The following HFM1 variants were observed in gnomAD, a reference collection of about 807,000 sequenced individuals.
The protein encoded by HFM1 is probable ATP-dependent DNA helicase HFM1.
In HFM1, 169 loss-of-function variants were observed where a neutral mutation model predicts 192.1. That is an observed-to-expected ratio of 0.88 (90% confidence interval 0.78 to 1.00). The LOEUF (loss-of-function observed/expected upper bound fraction) is 1.00, where lower values mean the gene tolerates loss of function less well. Among genes scored for constraint, HFM1 ranks in the 50% least tolerant of loss-of-function variants. The pLI is 0.00. For missense variants in HFM1, 1,661 were observed against 1,668.0 expected (o/e 1.00, Z 0.07); for synonymous variants, 525 against 537.8 (o/e 0.98, Z 0.33).
At chr1:91,307,339 C>T (rs1035371324) in intron 30 of HFM1, among the ~76,000 whole-genome samples, 29 of 152,158 alleles carry the variant, frequency 1.9e-4, no homozygotes, top group African/African-American at 7.0e-4. Context: ...TTTACATAGT[C>T]TACTTATATT....
chr1:91,396,521 T>C (rs1162628555), intron 2 of HFM1, 116 bp from the exon 3 acceptor site: 7 of 569,934 alleles, frequency 1.2e-5, no homozygotes, highest in Non-Finnish European at 2.2e-5. Flanking sequence ...ATTAACTTTC[T>C]GTCAGCACTT....
chr1:91,375,716 C>A lies in HFM1; in HGVS notation c.1407G>T (p.Trp469Cys). Reference protein sequence around the residue: ...TIPNAEDIAEWLSDGERPAVC... With the variant: ...TIPNAEDIAECLSDGERPAVC... The stretch of plus-strand genomic sequence containing the variant: ...CAGCTGGTCTTTCACCATCTGAAAG[C>A]CATTCTGCAATCTTTGAAACACAAA... Residue 469 changes from tryptophan to cysteine, a missense_variant, in exon 12 of 39, where the codon TGG becomes TGT. Physicochemically the swap from Trp to Cys is radical, Grantham distance 215 (BLOSUM62 -2). Transcript: ENST00000370425. 1 of 1,612,742 alleles carries A rather than the reference C, an allele frequency of 6.2e-7. No individual in the cohort carries two copies. The highest frequency in any genetic ancestry group is 8.5e-7 in the Non-Finnish European group (1 of 1,179,156).
chr1:91,393,082 C>G (rs1663213442), intron 4 of HFM1, among the ~76,000 whole-genome samples: 1 of 152,024 alleles, frequency 6.6e-6, no homozygotes, highest in African/African-American at 2.4e-5. Flanking sequence ...TAAAATAATT[C>G]TACACTTTAA....
At chr1:91,283,838 ATC>A (rs1157398947) in intron 30 of HFM1, among the ~76,000 whole-genome samples, 4 of 152,166 alleles carry the variant, frequency 2.6e-5, no homozygotes, top group African/African-American at 7.2e-5. Flanking sequence ...AATAGCAAGA[ATC>A]TCTGTCACAC....
At position 91,267,739 on chromosome 1, in the gene HFM1, T is replaced by G. The variant is rs772005131; in HGVS notation, c.3883+6A>C. 8.0e-7 allele frequency: 1 copy of G among 1,256,570 alleles called. No individual in the cohort carries two copies. 77.8% of individuals were successfully genotyped at this position (1,256,570 alleles called of 1,614,324 possible). On this transcript the variant is annotated splice_donor_region_variant and intron_variant, in intron 35 of 38. Coordinates refer to ENST00000370425, the MANE Select transcript of HFM1 (RefSeq NM_001017975.6). ...TGAAATGATTGCATGCTAAGTATGA[T>G]TTTACCTGATATTTTTGTCTTCTCA...
chr1:91,261,898 C>G (rs1412690103), intron 38 of HFM1, among the ~76,000 whole-genome samples: 1 of 152,174 alleles, frequency 6.6e-6, no homozygotes, highest in African/African-American at 2.4e-5. Flanking sequence ...TAAAATACAA[C>G]TTCAACTTTT....
At chr1:91,296,143 T>C (rs1557801613) in intron 30 of HFM1, among the ~76,000 whole-genome samples, 1 of 152,074 alleles carries the variant, frequency 6.6e-6, no homozygotes, top group Non-Finnish European at 1.5e-5. Flanking sequence ...ATGGACTCAA[T>C]CTCCTGACCT....
intron 13 of HFM1, among the ~76,000 whole-genome samples, chr1:91,372,447 TGAACCTG>T (rs1186134820): frequency 6.6e-6 from 1 of 152,162 alleles, no homozygotes; most frequent in East Asian, 1.9e-4. Flanking sequence ...GGGACATGGA[TGAACCTG>T]GAAACTATCA....
At position 91,277,043 on chromosome 1, in the gene HFM1, T is replaced by C. The variant is rs1183505691; in HGVS notation, c.3411A>G (p.Lys1137=). ...GATGATTGCATTCTCGGTTCCCAGG[T>C]TTTTTGCTGGCAGTCGTTCCTAAAT... ...GPNKGTTASK[K]PGNRECNHLC... Residue 1137 remains lysine, a synonymous_variant, in exon 31 of 39, where the codon AAA becomes AAG. Transcript: ENST00000370425. The C allele has an allele frequency of 1.9e-6, 3 of 1,593,912 alleles. No homozygotes were observed. Among genetic ancestry groups the C allele is most frequent in the Non-Finnish European group, 2.6e-6 (3 of 1,169,250 alleles).
At chr1:91,375,962 A>C (rs1397411795) in intron 11 of HFM1, among the ~76,000 whole-genome samples, 1 of 149,506 alleles carries the variant, frequency 6.7e-6, no homozygotes, top group African/African-American at 2.5e-5. Context: ...ACTTCCAATT[A>C]ATTATTATTA....
chr1:91,385,465 G>A (rs1662080409), intron 5 of HFM1, 110 bp downstream of exon 5: 1 of 932,956 alleles, frequency 1.1e-6, no homozygotes, highest in African/African-American at 1.7e-5. Context: ...TGCAGAAATT[G>A]CACAGAGAGA....
chr1:91,337,030 T>C lies in HFM1; in HGVS notation c.2335+6400A>G, dbSNP rs542653231. Among the ~76,000 whole-genome samples the C allele has an allele frequency of 4.6e-5, 7 of 152,162 alleles. No individual in the cohort carries two copies. In the East Asian group the frequency reaches 1.4e-3, roughly 29 times the overall value. On this transcript the variant is annotated intron_variant, in intron 20 of 38. Coordinates refer to ENST00000370425, the MANE Select transcript of HFM1 (RefSeq NM_001017975.6). ...TCATTTATAAATGGGAGCTGAACAA[T>C]GAGAACACGTGGACGCGTTGTGGGG...
At chr1:91,359,201 T>C (rs775876908) in intron 13 of HFM1, among the ~76,000 whole-genome samples, 1 of 152,196 alleles carries the variant, frequency 6.6e-6, no homozygotes, top group Non-Finnish European at 1.5e-5. Context: ...ATAGTGTCTC[T>C]TCTCCTAATG....
chr1:91,263,717 T>C (rs1665393858), intron 36 of HFM1, among the ~76,000 whole-genome samples: 1 of 152,158 alleles, frequency 6.6e-6, no homozygotes, highest in African/African-American at 2.4e-5. Context: ...TATGCCACTG[T>C]ACTCTACCTT....
intron 20 of HFM1, among the ~76,000 whole-genome samples, chr1:91,325,639 T>C (rs916105430): frequency 7.9e-5 from 12 of 152,106 alleles, no homozygotes; most frequent in African/African-American, 2.9e-4. Context: ...GAAAGCCTTC[T>C]CAAGAAGGAC....
intron 8 of HFM1, among the ~76,000 whole-genome samples, chr1:91,379,735 T>C (rs1026446308): frequency 5.3e-5 from 8 of 152,152 alleles, no homozygotes; most frequent in African/African-American, 1.9e-4. Flanking sequence ...TTTACTGATA[T>C]TTGATTTTTA....
chr1:91,348,642 A>G (rs193123359), intron 18 of HFM1, among the ~76,000 whole-genome samples: 24 of 152,374 alleles, frequency 1.6e-4, no homozygotes, highest in Admixed American at 1.5e-3. Flanking sequence ...GCTTCCAGCC[A>G]GGCATGGTGG....
At chr1:91,347,185 C>A (rs1424079202) in intron 19 of HFM1, among the ~76,000 whole-genome samples, 1 of 151,914 alleles carries the variant, frequency 6.6e-6, no homozygotes, top group Non-Finnish European at 1.5e-5. Flanking sequence ...GAAATAAAAA[C>A]CAAATAAACC....
At chr1:91,403,690 GTCTGC>G (rs1664548036) in intron 1 of HFM1, among the ~76,000 whole-genome samples, 1 of 152,068 alleles carries the variant, frequency 6.6e-6, no homozygotes, top group Admixed American at 6.6e-5. Flanking sequence ...AGTTTTAAGT[GTCTGC>G]TCTGCTATAA....
Sources: gnomAD v4.1 joint callset for allele counts (sites outside exome capture counted in the v4.1 genomes callset) on GRCh38, gnomAD v4.1.1 for gene constraint, MANE v1.5 for transcripts, NCBI Gene and HGNC (gene_info 2026-07-23, HGNC 2026-07-21) for gene names.